The following DIAPH3 variants were observed in gnomAD, a reference collection of about 807,000 sequenced individuals.
DIAPH3 encodes the protein diaphanous related formin 3, also known as protein diaphanous homolog 3.
A neutral mutation model predicts 144.3 loss-of-function variants in DIAPH3; 117 were observed. That is an observed-to-expected ratio of 0.81 (90% confidence interval 0.70 to 0.95). The LOEUF is 0.95. Ranked by LOEUF, DIAPH3 falls within the 40% of genes least tolerant of loss-of-function variation. The pLI is 0.00. For synonymous variants in DIAPH3, 519 were observed against 488.9 expected (o/e 1.06, Z -0.81); for missense variants, 1,421 against 1,412.7 (o/e 1.01, Z -0.09).
intron 22 of DIAPH3, among the ~76,000 whole-genome samples, chr13:59,853,560 G>A (rs185153779): frequency 1.3e-4 from 20 of 152,124 alleles, no homozygotes; most frequent in African/African-American, 2.7e-4. Flanking sequence ...CTCCTTTGCC[G>A]TCTGCCATGA....
At chr13:59,839,089 T>C (rs2042197162) in intron 23 of DIAPH3, 11 of 376,824 alleles carry the variant, frequency 2.9e-5, no homozygotes, top group South Asian at 2.9e-4. Context: ...CCAGCCTGGG[T>C]TTCAAAAAAT....
chr13:59,877,492 C>T (rs1348317945), intron 21 of DIAPH3, among the ~76,000 whole-genome samples: 1 of 152,114 alleles, frequency 6.6e-6, no homozygotes, highest in Non-Finnish European at 1.5e-5. Flanking sequence ...GGTATGGACA[C>T]TGAGCACTTG....
rs146691551 is a variant in DIAPH3, at chr13:60,130,876, C to G, written c.213+2081G>C. On this transcript the variant is annotated intron_variant, in intron 2 of 27. Coordinates refer to ENST00000400324, the MANE Select transcript of DIAPH3 (RefSeq NM_001042517.2). Reference sequence around the variant, plus strand: ...GGAGAGGTGAGGAATGGGGGAAGGTCAGAGAAAGAACTAAGAAAGTCCTCA... The same window carrying G: ...GGAGAGGTGAGGAATGGGGGAAGGTGAGAGAAAGAACTAAGAAAGTCCTCA... Among the ~76,000 whole-genome samples, 314 of 152,112 alleles carry G rather than the reference C, an allele frequency of 2.1e-3. 2 individuals carry two copies. Among genetic ancestry groups the G allele is most frequent in the Admixed American group, 4.1e-3 (63 of 15,272 alleles).
At chr13:59,677,420 G>GA (rs796435428) in intron 27 of DIAPH3, among the ~76,000 whole-genome samples, 47 of 147,876 alleles carry the variant, frequency 3.2e-4, no homozygotes, top group African/African-American at 7.4e-4. Flanking sequence ...ATTAAACATT[G>GA]AAAAAAAAAG....
intron 4 of DIAPH3, among the ~76,000 whole-genome samples, chr13:60,053,082 TA>T (rs1466611645): frequency 1.3e-5 from 2 of 151,726 alleles, no homozygotes; most frequent in Admixed American, 6.6e-5. Flanking sequence ...AACTACCTTT[TA>T]TTATATTACT....
At chr13:59,794,220 T>C (rs1339580166) in intron 25 of DIAPH3, among the ~76,000 whole-genome samples, 2 of 151,706 alleles carry the variant, frequency 1.3e-5, no homozygotes, top group Non-Finnish European at 2.9e-5. Flanking sequence ...TATTTCCAAA[T>C]TATGATGGGT....
intron 4 of DIAPH3, among the ~76,000 whole-genome samples, chr13:60,064,743 G>T (rs1178198670): frequency 6.6e-6 from 1 of 152,194 alleles, no homozygotes; most frequent in Admixed American, 6.5e-5. Context: ...TTTTTCCTTT[G>T]CATTCACAAC....
intron 27 of DIAPH3, among the ~76,000 whole-genome samples, chr13:59,713,765 TC>T (rs2034879577): frequency 6.6e-6 from 1 of 152,168 alleles, no homozygotes; most frequent in South Asian, 2.1e-4. Flanking sequence ...AAATTCCCCT[TC>T]ATAAAAACAG....
intron 27 of DIAPH3, among the ~76,000 whole-genome samples, chr13:59,709,250 C>T (rs1030899481): frequency 6.6e-5 from 10 of 152,212 alleles, no homozygotes; most frequent in Non-Finnish European, 1.2e-4. Context: ...AGATTGGCTA[C>T]AGCTAAGATA....
chr13:59,846,390 C>T, intron 22 of DIAPH3, among the ~76,000 whole-genome samples: 1 of 152,066 alleles, frequency 6.6e-6, no homozygotes, highest in East Asian at 1.9e-4. Context: ...CAACTTATTA[C>T]CATAGACAAT....
chr13:59,717,253 T>A (rs907744728), intron 27 of DIAPH3, among the ~76,000 whole-genome samples: 1 of 152,204 alleles, frequency 6.6e-6, no homozygotes, highest in Non-Finnish European at 1.5e-5. Flanking sequence ...GTTAAATTTT[T>A]AAATAAGAAT....
In DIAPH3 at chr13:59,833,276, A is replaced by C. The variant is rs765820840; in HGVS notation, c.2863-5T>G. 1 of 1,601,988 alleles carries C rather than the reference A, an allele frequency of 6.2e-7. No individual in the cohort carries two copies. Among genetic ancestry groups the C allele is most frequent in the South Asian group, 1.1e-5 (1 of 89,904 alleles). On this transcript the variant is annotated splice_region_variant and splice_polypyrimidine_tract_variant and intron_variant, in intron 23 of 27. Coordinates refer to ENST00000400324, the MANE Select transcript of DIAPH3 (RefSeq NM_001042517.2). ...TTTTGCACTGATAACAAATCTGTAT[A>C]CTATAGTTAAGGTATTCTGAAATTT...
At position 60,095,572 on chromosome 13, in the gene DIAPH3, G is replaced by A. The variant is rs181156413; in HGVS notation, c.391-1840C>T. On this transcript the variant is annotated intron_variant, in intron 3 of 27. Transcript: ENST00000400324. Reference sequence around the variant, plus strand: ...TATGCTAATTAATGAGGGCAGCTAGGGATTGCTTTTGTCCCATTTGCCAGT... The same window carrying A: ...TATGCTAATTAATGAGGGCAGCTAGAGATTGCTTTTGTCCCATTTGCCAGT... Among the ~76,000 whole-genome samples the A allele has an allele frequency of 2.1e-3, 312 of 151,618 alleles. 1 individual carries two copies. The highest frequency in any genetic ancestry group is 1.4e-3 in the Non-Finnish European group (93 of 67,848).
At chr13:59,991,636 G>A (rs2051819272) in intron 11 of DIAPH3, among the ~76,000 whole-genome samples, 1 of 151,932 alleles carries the variant, frequency 6.6e-6, no homozygotes, top group East Asian at 1.9e-4. Context: ...GAAGCCCCAG[G>A]TGAGGATAGG....
At chr13:59,894,690 T>C (rs566176737) in intron 20 of DIAPH3, among the ~76,000 whole-genome samples, 7 of 150,710 alleles carry the variant, frequency 4.6e-5, no homozygotes, top group Non-Finnish European at 1.0e-4. Flanking sequence ...ACATTAAAAA[T>C]ATGAAATGTT....
chr13:59,909,681 G>C (rs1004176629), intron 20 of DIAPH3, among the ~76,000 whole-genome samples: 1 of 152,108 alleles, frequency 6.6e-6, no homozygotes, highest in Admixed American at 6.6e-5. Context: ...GTCTGTAGAG[G>C]ATGTTTTTCA....
intron 20 of DIAPH3, among the ~76,000 whole-genome samples, chr13:59,901,728 T>A (rs1341648475): frequency 1.3e-5 from 2 of 152,206 alleles, no homozygotes; most frequent in Non-Finnish European, 2.9e-5. Flanking sequence ...GGAGACAAAG[T>A]ATTTGAAGAA....
intron 2 of DIAPH3, among the ~76,000 whole-genome samples, chr13:60,128,891 G>A (rs2059062678): frequency 6.6e-6 from 1 of 151,242 alleles, no homozygotes; most frequent in Non-Finnish European, 1.5e-5. Flanking sequence ...TTAAACTTTT[G>A]TTTCAACTGA....
At chr13:59,676,395 G>A (rs1025536924) in intron 27 of DIAPH3, among the ~76,000 whole-genome samples, 4 of 152,180 alleles carry the variant, frequency 2.6e-5, no homozygotes, top group Admixed American at 6.5e-5. Flanking sequence ...CATTAGGGCT[G>A]TATTAAATCC....
Sources: allele counts gnomAD v4.1 joint callset (sites outside exome capture counted in the v4.1 genomes callset), GRCh38; gene constraint gnomAD v4.1.1; transcripts MANE v1.5; gene names NCBI Gene and HGNC (gene_info 2026-07-23, HGNC 2026-07-21).